Variants in OLA1 observed in about 807,000 individuals in gnomAD.
OLA1 encodes Obg like ATPase 1, also known as obg-like ATPase 1.
In OLA1, 14 loss-of-function variants were observed where a neutral mutation model predicts 48.4. That is an observed-to-expected ratio of 0.29 (90% CI 0.19 to 0.45). The LOEUF is 0.45. Ranked by LOEUF, OLA1 falls within the 20% of genes least tolerant of loss-of-function variation. The pLI is 1.00. For missense variants in OLA1, 325 were observed against 467.1 expected (o/e 0.70, Z 2.80); for synonymous variants, 127 against 150.4 (o/e 0.84, Z 1.14).
At chr2:174,076,931 A>C (rs1373339862) in intron 10 of OLA1, among the ~76,000 whole-genome samples, 1 of 152,116 alleles carries the variant, frequency 6.6e-6, no homozygotes, top group Admixed American at 6.6e-5. Flanking sequence ...AACTATATAG[A>C]CAATATAAAT....
chr2:174,180,047 G>A (rs2105412802), intron 4 of OLA1, among the ~76,000 whole-genome samples: 1 of 152,038 alleles, frequency 6.6e-6, no homozygotes, highest in African/African-American at 2.4e-5. Flanking sequence ...GAGTCTAACA[G>A]ACTAGGGCAA....
chr2:174,190,035 T>C (rs1033325032), intron 4 of OLA1, among the ~76,000 whole-genome samples: 1 of 152,182 alleles, frequency 6.6e-6, no homozygotes, highest in African/African-American at 2.4e-5. Context: ...TCCAGGAGAC[T>C]GTAAATGCCA....
intron 4 of OLA1, among the ~76,000 whole-genome samples, chr2:174,218,737 C>T (rs906511042): frequency 5.3e-5 from 8 of 152,150 alleles, no homozygotes; most frequent in African/African-American, 1.9e-4. Context: ...ATCTGAAATA[C>T]CTTTACATTA....
intron 4 of OLA1, among the ~76,000 whole-genome samples, chr2:174,165,568 G>A (rs1318720352): frequency 1.3e-5 from 2 of 152,202 alleles, no homozygotes; most frequent in African/African-American, 4.8e-5. Flanking sequence ...GCCTTTGCTG[G>A]AGAGTCCACG....
At chr2:174,139,800 G>A (rs1686396128) in intron 5 of OLA1, among the ~76,000 whole-genome samples, 1 of 149,048 alleles carries the variant, frequency 6.7e-6, no homozygotes. Flanking sequence ...GGGAGGCGGA[G>A]GTTGCAGTGA....
intron 7 of OLA1, among the ~76,000 whole-genome samples, chr2:174,119,604 C>T (rs546224222): frequency 5.9e-5 from 9 of 151,872 alleles, no homozygotes; most frequent in Middle Eastern, 3.4e-3. Context: ...TTCCATGATT[C>T]CCCCCAAACC....
chr2:174,113,240 C>G (rs927560336), intron 7 of OLA1, among the ~76,000 whole-genome samples: 3 of 152,150 alleles, frequency 2.0e-5, no homozygotes, highest in Non-Finnish European at 4.4e-5. Context: ...CCACTGTGCC[C>G]AGTCAAATAA....
chr2:174,134,476 G>A (rs62174161), intron 5 of OLA1, among the ~76,000 whole-genome samples: 33,720 of 152,064 alleles, frequency 0.22, 4,483 homozygotes, highest in Admixed American at 0.3. Flanking sequence ...TATAATCTTT[G>A]TCTTTTATTG....
At chr2:174,147,950 A>C (rs1457593567) in intron 4 of OLA1, among the ~76,000 whole-genome samples, 1 of 152,100 alleles carries the variant, frequency 6.6e-6, no homozygotes, top group African/African-American at 2.4e-5. Context: ...CAGCCTCCTG[A>C]ATAGCTGGGA....
intron 4 of OLA1, among the ~76,000 whole-genome samples, chr2:174,180,609 T>C (rs1301642325): frequency 1.3e-5 from 2 of 152,242 alleles, no homozygotes; most frequent in Admixed American, 6.5e-5. Context: ...GTCATGCTGC[T>C]TCAATGACAT....
At chr2:174,164,192 C>A (rs1241361593) in intron 4 of OLA1, among the ~76,000 whole-genome samples, 1 of 151,988 alleles carries the variant, frequency 6.6e-6, no homozygotes, top group Non-Finnish European at 1.5e-5. Context: ...GTCAATTAAA[C>A]CTATTTTCTT....
At chr2:174,137,284 A>G (rs1305246170) in intron 5 of OLA1, among the ~76,000 whole-genome samples, 1 of 152,160 alleles carries the variant, frequency 6.6e-6, no homozygotes, top group Non-Finnish European at 1.5e-5. Flanking sequence ...AGGTCTCAAG[A>G]GTGGGCTTAA....
At chr2:174,244,257 C>G (rs1689076656) in intron 2 of OLA1, among the ~76,000 whole-genome samples, 1 of 152,166 alleles carries the variant, frequency 6.6e-6, no homozygotes, top group African/African-American at 2.4e-5. Flanking sequence ...TGTTTACAAC[C>G]AAATACAATT....
intron 5 of OLA1, among the ~76,000 whole-genome samples, chr2:174,136,575 C>T (rs1006984353): frequency 2.0e-5 from 3 of 152,148 alleles, no homozygotes; most frequent in African/African-American, 4.8e-5. Flanking sequence ...CCACTGAAGT[C>T]TTGAGCCTCT....
intron 4 of OLA1, among the ~76,000 whole-genome samples, chr2:174,204,660 A>C (rs1011886209): frequency 6.6e-6 from 1 of 151,520 alleles, no homozygotes; most frequent in African/African-American, 2.4e-5. Flanking sequence ...TGAGACAATG[A>C]AATATTATTC....
chr2:174,217,372 A>C (rs575190524), intron 4 of OLA1, among the ~76,000 whole-genome samples: 1 of 152,058 alleles, frequency 6.6e-6, no homozygotes, highest in African/African-American at 2.4e-5. Context: ...CCCTATTTTC[A>C]TTTTTAAATC....
chr2:174,125,577 T>C lies in OLA1; in HGVS notation c.550-1902A>G, dbSNP rs560231957. Among the ~76,000 whole-genome samples the C allele has an allele frequency of 3.3e-5, 5 of 152,282 alleles. No individual in the cohort carries two copies. In the South Asian group the frequency reaches 1.0e-3, roughly 32 times the overall value. ...AATTAAATTTTAATCATATAAAAAG[T>C]ATAAAATACTTCTGTAACTACAAAC... On this transcript the variant is annotated intron_variant, in intron 5 of 10. Transcript: ENST00000284719.
At chr2:174,217,479 C>T (rs1418137264) in intron 4 of OLA1, among the ~76,000 whole-genome samples, 1 of 152,108 alleles carries the variant, frequency 6.6e-6, no homozygotes, top group Non-Finnish European at 1.5e-5. Context: ...GCAAAGCTCC[C>T]CTAAAAGGAA....
chr2:174,237,137 T>A (rs35470106), intron 2 of OLA1, among the ~76,000 whole-genome samples: 1 of 152,064 alleles, frequency 6.6e-6, no homozygotes, highest in Non-Finnish European at 1.5e-5. Context: ...ATATTTTTTC[T>A]TTATATCCTT....
Sources: allele counts gnomAD v4.1 joint callset (sites outside exome capture counted in the v4.1 genomes callset), GRCh38; gene constraint gnomAD v4.1.1; transcripts MANE v1.5; gene names NCBI Gene and HGNC (gene_info 2026-07-23, HGNC 2026-07-21).